Variants in MYH16 observed in about 807,000 individuals in gnomAD.
The protein encoded by MYH16 is myosin heavy chain 16.
chr7:99,266,532 A>G (rs1389914487), intron 17 of MYH16, among the ~76,000 whole-genome samples: 5 of 152,130 alleles, frequency 3.3e-5, no homozygotes, highest in Non-Finnish European at 5.9e-5. Flanking sequence ...CCAGGTCATG[A>G]TAAAAAACCT....
At chr7:99,294,786 G>C (rs140126925) in intron 33 of MYH16, among the ~76,000 whole-genome samples, 1 of 151,742 alleles carries the variant, frequency 6.6e-6, no homozygotes, top group Non-Finnish European at 1.5e-5. Context: ...GGCTGGTCTC[G>C]AACTCCTGAC....
chr7:99,259,939 G>A (rs540087405), intron 11 of MYH16, among the ~76,000 whole-genome samples: 14 of 151,876 alleles, frequency 9.2e-5, no homozygotes, highest in African/African-American at 2.2e-4. Flanking sequence ...TGTGTGGCCC[G>A]AGGCATGTGT....
intron 18 of MYH16, among the ~76,000 whole-genome samples, chr7:99,269,271 CTCT>C (rs940440920): frequency 1.3e-5 from 2 of 151,500 alleles, no homozygotes; most frequent in African/African-American, 4.9e-5. Flanking sequence ...ATGAACCATT[CTCT>C]TTTTTTTTTT....
chr7:99,280,732 A>T (rs1381309415), intron 22 of MYH16, 144 bp from the exon 5 acceptor site: 1 of 161,858 alleles, frequency 6.2e-6, no homozygotes, highest in Non-Finnish European at 1.4e-5. Flanking sequence ...GCTCCCCTTC[A>T]CCCCCAGGGT....
intron 23 of MYH16, among the ~76,000 whole-genome samples, chr7:99,283,272 G>A (rs1792227081): frequency 6.6e-6 from 1 of 152,050 alleles, no homozygotes; most frequent in Non-Finnish European, 1.5e-5. Flanking sequence ...AATTTTTGTA[G>A]AGACAGGGTC....
chr7:99,289,275 C>A lies in MYH16; in HGVS notation n.3707-12C>A. The A allele has an allele frequency of 2.8e-6, 1 of 360,622 alleles. No individual in the cohort carries two copies. The highest frequency in any genetic ancestry group is 3.2e-5 in the Admixed American group (1 of 31,702). 22.3% of individuals were successfully genotyped at this position (360,622 alleles called of 1,614,324 possible). On this transcript the variant is annotated splice_polypyrimidine_tract_variant and intron_variant and non_coding_transcript_variant, in intron 29 of 41. Transcript: ENST00000439784. ...CCGCAACTTCCCCACTGAGTTCATCCTTCCTGAGCAGATGAACGCCGAGGC... is the reference window on the plus strand; with the variant it reads ...CCGCAACTTCCCCACTGAGTTCATCATTCCTGAGCAGATGAACGCCGAGGC...
chr7:99,281,439 G>C (rs1173851700), intron 23 of MYH16, among the ~76,000 whole-genome samples: 1 of 151,950 alleles, frequency 6.6e-6, no homozygotes, highest in Non-Finnish European at 1.5e-5. Flanking sequence ...GCACGCGCCT[G>C]TAGTCCCAGC....
intron 18 of MYH16, among the ~76,000 whole-genome samples, chr7:99,267,394 A>G (rs1791998253): frequency 6.6e-6 from 1 of 152,004 alleles, no homozygotes; most frequent in South Asian, 2.1e-4. Flanking sequence ...ACACCCAGCT[A>G]ATTTTTTAAA....
intron 21 of MYH16, among the ~76,000 whole-genome samples, chr7:99,278,022 G>C (rs893504606): frequency 6.6e-6 from 1 of 151,610 alleles, no homozygotes; most frequent in Admixed American, 6.6e-5. Flanking sequence ...GAAGTGGCTC[G>C]ATCACAGCTC....
At chr7:99,257,847 A>G (rs1403189286) in intron 10 of MYH16, among the ~76,000 whole-genome samples, 2 of 151,982 alleles carry the variant, frequency 1.3e-5, no homozygotes, top group African/African-American at 4.8e-5. Context: ...GGGTCTTGCT[A>G]TGTTGCCCAG....
At chr7:99,285,246 C>T in intron 26 of MYH16, 136 bp from the exon 9 acceptor site, 1 of 397,254 alleles carries the variant, frequency 2.5e-6, no homozygotes, top group Non-Finnish European at 5.0e-6. Flanking sequence ...CACTTGCTCT[C>T]TGGGATCTGC....
rs140944284 is a variant in MYH16 at position 99,288,576 on chromosome 7, C to G, written n.3706+439C>G. ...ACCAGCCTGGCCAACATGGTGAAAC[C>G]CTGTCTCTACTAAAAATACAAAAAT... On this transcript the variant is annotated intron_variant and non_coding_transcript_variant, in intron 29 of 41. Coordinates refer to ENST00000439784, the Ensembl canonical transcript of MYH16. Among the ~76,000 whole-genome samples the G allele has an allele frequency of 2.0e-5, 3 of 150,648 alleles. 1 individual carries two copies. The East Asian group carries it at 5.9e-4, about 30-fold the overall frequency.
chr7:99,242,231 C>T (rs559112834), intron 1 of MYH16, among the ~76,000 whole-genome samples: 157 of 152,174 alleles, frequency 1.0e-3, no homozygotes, highest in Non-Finnish European at 2.0e-3. Context: ...GGCACGGGCG[C>T]GAACACACCT....
rs539925575 is a variant in MYH16, at chr7:99,282,166, G to T, written n.2992+1186G>T. Among the ~76,000 whole-genome samples, 15 of 150,406 alleles carry T rather than the reference G, an allele frequency of 1.0e-4. No homozygotes were observed. In the South Asian group the frequency reaches 2.9e-3, roughly 29 times the overall value. Reference sequence around the variant, plus strand: ...GCCTCCCAAGTAGCTGGGATTACAGGTGCCTGCCACCACACCCAGCTAATT... The same window carrying T: ...GCCTCCCAAGTAGCTGGGATTACAGTTGCCTGCCACCACACCCAGCTAATT... On this transcript the variant is annotated intron_variant and non_coding_transcript_variant, in intron 23 of 41. Coordinates refer to ENST00000439784, the Ensembl canonical transcript of MYH16.
intron 29 of MYH16, among the ~76,000 whole-genome samples, chr7:99,288,941 G>A (rs1792327016): frequency 6.6e-6 from 1 of 151,990 alleles, no homozygotes; most frequent in Admixed American, 6.6e-5. Context: ...GTGAAACCCT[G>A]TCTCTACAAA....
chr7:99,287,551 A>AAT (rs1562783089), intron 28 of MYH16, among the ~76,000 whole-genome samples: 1 of 151,254 alleles, frequency 6.6e-6, no homozygotes, highest in East Asian at 1.9e-4. Flanking sequence ...AAAAAAAAAA[A>AAT]AAAAGGCATC....
chr7:99,239,108 G>T (rs373471576), intron 1 of MYH16: 1 of 152,542 alleles, frequency 6.6e-6, no homozygotes, highest in Non-Finnish European at 1.5e-5. Flanking sequence ...GCATGCTCCC[G>T]CCCAGAAGGC....
chr7:99,260,437 C>T, intron 12 of MYH16: 1 of 537,594 alleles, frequency 1.9e-6, no homozygotes, highest in Admixed American at 2.7e-5. Flanking sequence ...GTCAGTGACA[C>T]CACCAGTGAC....
At chr7:99,240,839 C>CAAAAA (rs5886099) in intron 1 of MYH16, among the ~76,000 whole-genome samples, 1 of 143,946 alleles carries the variant, frequency 6.9e-6, no homozygotes, top group Non-Finnish European at 1.5e-5. Context: ...AACCTTGTCT[C>CAAAAA]AAAAAAAAAA....
Sources: gnomAD v4.1 joint callset for allele counts (sites outside exome capture counted in the v4.1 genomes callset) on GRCh38, gnomAD v4.1.1 for gene constraint, MANE v1.5 for transcripts, NCBI Gene and HGNC (gene_info 2026-07-23, HGNC 2026-07-21) for gene names.